Variants in TBC1D30 observed in about 807,000 individuals in gnomAD.
The protein encoded by TBC1D30 is TBC1 domain family, member 30.
In TBC1D30, 31 loss-of-function variants were observed where a neutral mutation model predicts 63.2. The observed-to-expected ratio is 0.49, with a 90% CI of 0.37 to 0.66. The LOEUF is 0.66. TBC1D30 is among the 30% of genes least tolerant of loss of function. TBC1D30 has a pLI of 0.00. For missense variants in TBC1D30, 810 were observed against 953.6 expected (o/e 0.85, Z 1.98); for synonymous variants, 307 against 361.5 (o/e 0.85, Z 1.71).
rs1047338341 is a variant in TBC1D30, at chr12:64,879,788, T to G, written c.*4000T>G. The G allele has an allele frequency of 6.6e-6, 1 of 152,208 alleles. No individual in the cohort carries two copies. The highest frequency in any genetic ancestry group is 1.5e-5 in the Non-Finnish European group (1 of 68,036). 9.4% of individuals were successfully genotyped at this position (152,208 alleles called of 1,614,324 possible). A position where few individuals can be genotyped will look rare whatever the true frequency, so the allele number is the denominator to read the frequency against. On this transcript the variant is annotated 3_prime_UTR_variant, in exon 12 of 12. Coordinates refer to ENST00000539867, the MANE Select transcript of TBC1D30 (RefSeq NM_015279.2). ...TTTTCTTCATCAACAGGTATTGAAT[T>G]TCATAAAAAGAACTTTAATTGTATC...
intron 1 of TBC1D30, among the ~76,000 whole-genome samples, chr12:64,781,480 G>C (rs7304263): frequency 0.041 from 6,214 of 152,254 alleles, 408 homozygotes; most frequent in African/African-American, 0.14. Flanking sequence ...CGGAGTAATT[G>C]AATCAAGCGT....
chr12:64,832,722 T>C (rs1033888431), intron 5 of TBC1D30, among the ~76,000 whole-genome samples: 9 of 152,260 alleles, frequency 5.9e-5, no homozygotes, highest in Middle Eastern at 3.4e-3. Flanking sequence ...GAAGGCTCAA[T>C]TGGGGGTGGG....
rs774145443 is a variant in TBC1D30 at position 64,807,918 on chromosome 12, G to GTTTTTTTTTTTTTTTTTTTTTTTTTT, written c.644-19900_644-19899insTTTTTTTTTTTTTTTTTTTTTTTTTT. On this transcript the variant is annotated intron_variant, in intron 2 of 12. Coordinates refer to the TBC1D30 transcript ENST00000542120. ...GCCCATGCCACCCTGCCTAATTTAA[G>GTTTTTTTTTTTTTTTTTTTTTTTTTT]TTTTTTTTTTTTTTTTTGTAGAGCT... Among the ~76,000 whole-genome samples the GTTTTTTTTTTTTTTTTTTTTTTTTTT allele has an allele frequency of 5.3e-4, 50 of 93,500 alleles. 5 individuals carry two copies. Among genetic ancestry groups the GTTTTTTTTTTTTTTTTTTTTTTTTTT allele is most frequent in the African/African-American group, 2.5e-3 (46 of 18,122 alleles). 61.3% of individuals were successfully genotyped at this position (93,500 alleles called of 152,430 possible). A position where few individuals can be genotyped will look rare whatever the true frequency, so the allele number is the denominator to read the frequency against.
chr12:64,813,399 AAC>A (rs1873336301), intron 2 of TBC1D30, among the ~76,000 whole-genome samples: 1 of 151,968 alleles, frequency 6.6e-6, no homozygotes, highest in African/African-American at 2.4e-5. Flanking sequence ...CAACAACAAC[AAC>A]AACAACAACA....
intron 2 of TBC1D30, among the ~76,000 whole-genome samples, chr12:64,813,945 T>A (rs1384658630): frequency 6.6e-6 from 1 of 152,172 alleles, no homozygotes; most frequent in African/African-American, 2.4e-5. Context: ...TGTCACAGTT[T>A]ATGATGTATT....
intron 2 of TBC1D30, chr12:64,818,408 C>G: frequency 1.0e-6 from 1 of 983,810 alleles, no homozygotes; most frequent in Non-Finnish European, 1.2e-6. Context: ...TCCTTGTGTC[C>G]TTGTCACTAC....
At chr12:64,853,941 T>G (rs1331423006) in intron 8 of TBC1D30, among the ~76,000 whole-genome samples, 1 of 152,236 alleles carries the variant, frequency 6.6e-6, no homozygotes, top group Non-Finnish European at 1.5e-5. Context: ...TATTCAGCCA[T>G]CTTGCCAGCT....
At position 64,824,974 on chromosome 12, in the gene TBC1D30, T is replaced by C. The variant is rs770622796; in HGVS notation, c.95T>C (p.Leu32Pro). Residue 32 changes from leucine to proline, a missense_variant, in exon 1 of 12, where the codon CTC becomes CCC. Leu to Pro is a moderately conservative substitution (Grantham distance 98, BLOSUM62 -3). Transcript: ENST00000539867. Reference protein sequence around the residue: ...GGVGTILSNVLKKRSCISRTA... With the variant: ...GGVGTILSNVPKKRSCISRTA... ...GTGGGCACCATCCTGAGCAATGTGC[T>C]CAAGAAGCGCAGCTGCATTTCCCGG... 2.0e-6 allele frequency: 3 copies of C among 1,534,728 alleles called. No individual in the cohort carries two copies. The highest frequency in any genetic ancestry group is 1.2e-5 in the South Asian group (1 of 83,892).
chr12:64,761,110 A>G (rs944699335), intron 1 of TBC1D30, among the ~76,000 whole-genome samples: 7 of 152,374 alleles, frequency 4.6e-5, no homozygotes, highest in Non-Finnish European at 7.3e-5. Context: ...ATACTTGGTT[A>G]CAGCCTTGGC....
intron 2 of TBC1D30, among the ~76,000 whole-genome samples, chr12:64,816,446 C>T (rs776523372): frequency 3.3e-5 from 5 of 152,222 alleles, no homozygotes; most frequent in Admixed American, 6.5e-5. Context: ...TCTGAAAACA[C>T]AGCAACTCAA....
chr12:64,808,176 A>G (rs1565651118), intron 2 of TBC1D30, among the ~76,000 whole-genome samples: 1 of 152,000 alleles, frequency 6.6e-6, no homozygotes, highest in African/African-American at 2.4e-5. Flanking sequence ...CAGTACTTAC[A>G]ATTTATCACA....
intron 8 of TBC1D30, among the ~76,000 whole-genome samples, chr12:64,851,383 T>C (rs1313874485): frequency 6.6e-6 from 1 of 152,184 alleles, no homozygotes; most frequent in African/African-American, 2.4e-5. Flanking sequence ...ATTTGCTTGG[T>C]AAATCTTCCT....
chr12:64,832,952 G>A (rs2136375533), intron 5 of TBC1D30, among the ~76,000 whole-genome samples: 1 of 152,286 alleles, frequency 6.6e-6, no homozygotes, highest in East Asian at 1.9e-4. Context: ...TTACAGATTT[G>A]TAGCCAAACA....
chr12:64,834,731 T>TTG (rs1875186528), intron 5 of TBC1D30, among the ~76,000 whole-genome samples: 1 of 145,968 alleles, frequency 6.9e-6, no homozygotes, highest in Non-Finnish European at 1.5e-5. Flanking sequence ...TTTTTTTTTT[T>TTG]GATCTAAGAT....
intron 1 of TBC1D30, among the ~76,000 whole-genome samples, chr12:64,769,531 C>T (rs1380798765): frequency 6.7e-6 from 1 of 148,948 alleles, no homozygotes; most frequent in African/African-American, 2.5e-5. Flanking sequence ...CACATGCCAC[C>T]ACGCTGGGCT....
At chr12:64,840,360 TA>T (rs1369271088) in intron 7 of TBC1D30, among the ~76,000 whole-genome samples, 3 of 152,236 alleles carry the variant, frequency 2.0e-5, no homozygotes, top group Non-Finnish European at 2.9e-5. Flanking sequence ...GAGTCAGTTA[TA>T]ATTGCCTTTG....
At chr12:64,795,937 C>T (rs1565645548) in intron 2 of TBC1D30, among the ~76,000 whole-genome samples, 1 of 151,674 alleles carries the variant, frequency 6.6e-6, no homozygotes, top group Non-Finnish European at 1.5e-5. Context: ...TGGAATTTGC[C>T]TGCAAAATTG....
intron 1 of TBC1D30, among the ~76,000 whole-genome samples, chr12:64,765,490 CAAAAAAA>C (rs60489979): frequency 5.1e-3 from 89 of 17,588 alleles, no homozygotes; most frequent in African/African-American, 8.7e-3. Context: ...AGACTGTCTC[CAAAAAAA>C]AAAAAAAAAA....
chr12:64,826,991 A>C (rs957574062), intron 1 of TBC1D30, among the ~76,000 whole-genome samples: 20 of 152,178 alleles, frequency 1.3e-4, no homozygotes, highest in African/African-American at 4.6e-4. Context: ...ATTCATACCA[A>C]CCACTAAGAA....
Sources: gnomAD v4.1 joint callset for allele counts (sites outside exome capture counted in the v4.1 genomes callset) on GRCh38, gnomAD v4.1.1 for gene constraint, MANE v1.5 for transcripts, NCBI Gene and HGNC (gene_info 2026-07-23, HGNC 2026-07-21) for gene names.